Variants in IKZF2 observed in about 807,000 individuals in gnomAD.
IKZF2 encodes the protein IKAROS family zinc finger 2.
A neutral mutation model predicts 49.2 loss-of-function variants in IKZF2; 15 were observed. The ratio of observed to expected loss-of-function variants is 0.30; its 90% CI spans 0.20 to 0.47. IKZF2 has a LOEUF of 0.47. Among genes scored for constraint, IKZF2 ranks in the 20% least tolerant of loss-of-function variants. IKZF2 has a pLI of 1.00. For synonymous variants in IKZF2, 227 were observed against 221.4 expected (o/e 1.03, Z -0.23); for missense variants, 567 against 664.6 (o/e 0.85, Z 1.61).
chr2:213,009,952 C>T (rs185856763), intron 8 of IKZF2, among the ~76,000 whole-genome samples: 32 of 151,972 alleles, frequency 2.1e-4, no homozygotes, highest in African/African-American at 7.0e-4. Flanking sequence ...GAAACAAGTG[C>T]GAAAGACAAG....
chr2:213,149,877 T>A (rs924565526), intron 2 of IKZF2, among the ~76,000 whole-genome samples: 2 of 152,028 alleles, frequency 1.3e-5, no homozygotes, highest in Non-Finnish European at 1.5e-5. Context: ...CAACCTGCTG[T>A]ACTGTTATCA....
chr2:213,032,949 T>C (rs940214251), intron 6 of IKZF2, among the ~76,000 whole-genome samples: 7 of 152,202 alleles, frequency 4.6e-5, no homozygotes, highest in African/African-American at 1.7e-4. Flanking sequence ...TGTGATGCTA[T>C]TTGATACGAT....
chr2:213,071,878 C>A (rs1702742909), intron 4 of IKZF2, among the ~76,000 whole-genome samples: 1 of 151,838 alleles, frequency 6.6e-6, no homozygotes, highest in Admixed American at 6.6e-5. Context: ...CTTAGCCCTA[C>A]AATGCAAGCA....
chr2:213,110,626 G>C (rs1048612494), intron 4 of IKZF2, among the ~76,000 whole-genome samples: 13 of 151,882 alleles, frequency 8.6e-5, no homozygotes, highest in Non-Finnish European at 1.5e-5. Context: ...ATGCTGCAAT[G>C]AATAAATCTG....
chr2:213,146,764 G>A (rs915807026), intron 4 of IKZF2, among the ~76,000 whole-genome samples: 1 of 125,596 alleles, frequency 8.0e-6, no homozygotes, highest in South Asian at 2.7e-4. Context: ...ATCTTCGGGG[G>A]GGGGGAAGGA....
At chr2:213,144,064 C>T (rs17360006) in intron 4 of IKZF2, among the ~76,000 whole-genome samples, 40,240 of 151,708 alleles carry the variant, frequency 0.27, 6,653 homozygotes, top group Non-Finnish European at 0.37. Context: ...TCATAATATA[C>T]TTCTGCTTCG....
intron 6 of IKZF2, among the ~76,000 whole-genome samples, chr2:213,032,017 G>T (rs1469978563): frequency 6.6e-6 from 1 of 152,138 alleles, no homozygotes; most frequent in East Asian, 1.9e-4. Flanking sequence ...GCTAGAGAAA[G>T]TATAAAGGTG....
chr2:213,049,453 A>G (rs1700476952), intron 6 of IKZF2, among the ~76,000 whole-genome samples: 1 of 152,148 alleles, frequency 6.6e-6, no homozygotes, highest in African/African-American at 2.4e-5. Context: ...TATAGAAAAT[A>G]TATAACAGCT....
At chr2:213,130,566 G>T (rs2060442359) in intron 4 of IKZF2, among the ~76,000 whole-genome samples, 1 of 152,150 alleles carries the variant, frequency 6.6e-6, no homozygotes. Context: ...ACTAGTAGCT[G>T]AAAGTATTTT....
chr2:213,120,887 C>A (rs1264501942), intron 4 of IKZF2, among the ~76,000 whole-genome samples: 5 of 152,094 alleles, frequency 3.3e-5, no homozygotes, highest in African/African-American at 4.8e-5. Context: ...ACTACGGGTA[C>A]GTGCCACAAC....
Position 213,010,036 on chromosome 2 carries a change from C to T in IKZF2, c.857-1952G>A, listed in dbSNP as rs913114102. 3.3e-5 allele frequency among the ~76,000 whole-genome samples: 5 copies of T among 152,016 alleles called. No individual in the cohort carries two copies. In the East Asian group the frequency reaches 5.8e-4, roughly 18 times the overall value. ...AGGAATACAGATTGAAGGGGATAAA[C>T]AAGGAAGTGCCCTGAAGGTATTCAT... On this transcript the variant is annotated intron_variant, in intron 8 of 8. Transcript: ENST00000434687.
At chr2:213,151,672 C>A (rs537664017), upstream of IKZF2, 2 of 150,178 alleles carry the variant, frequency 1.3e-5, no homozygotes, top group Non-Finnish European at 3.0e-5. Flanking sequence ...ACATCTCCCC[C>A]GCCGGCCGGG....
chr2:213,141,438 T>C (rs1420704034), intron 4 of IKZF2, among the ~76,000 whole-genome samples: 1 of 152,008 alleles, frequency 6.6e-6, no homozygotes, highest in Non-Finnish European at 1.5e-5. Context: ...TGTTCCATTA[T>C]CCTGCCTTGA....
At chr2:213,057,185 T>A in intron 4 of IKZF2, 86 bp from the exon 5 acceptor site, 1 of 1,173,034 alleles carries the variant, frequency 8.5e-7, no homozygotes, top group Non-Finnish European at 1.2e-6. Flanking sequence ...GTCATCCTAC[T>A]AAATGGATGA....
chr2:213,127,844 T>A (rs538598620), intron 4 of IKZF2, among the ~76,000 whole-genome samples: 5 of 152,330 alleles, frequency 3.3e-5, no homozygotes, highest in African/African-American at 9.6e-5. Context: ...AGAATACATG[T>A]ATTTCCAAAA....
At chr2:213,077,520 T>C (rs1703399967) in intron 4 of IKZF2, among the ~76,000 whole-genome samples, 1 of 149,642 alleles carries the variant, frequency 6.7e-6, no homozygotes, top group Non-Finnish European at 1.5e-5. Flanking sequence ...TCTTTGCAAT[T>C]TGTTTTTTAA....
chr2:213,101,071 A>G (rs1166144957), intron 4 of IKZF2, among the ~76,000 whole-genome samples: 2 of 152,124 alleles, frequency 1.3e-5, no homozygotes, highest in East Asian at 3.9e-4. Context: ...CCCTTTGTTG[A>G]CTAAACAAAA....
At chr2:213,031,872 T>C (rs1698471378) in intron 6 of IKZF2, among the ~76,000 whole-genome samples, 1 of 152,206 alleles carries the variant, frequency 6.6e-6, no homozygotes, top group South Asian at 2.1e-4. Flanking sequence ...ACCAGCTGCC[T>C]AAAATGTGGC....
intron 4 of IKZF2, chr2:213,147,462 C>T (rs2061115193): frequency 5.1e-6 from 3 of 583,706 alleles, no homozygotes; most frequent in Non-Finnish European, 9.1e-6. Context: ...AAATTCTAAC[C>T]TTTCTTACCT....
Sources: allele counts gnomAD v4.1 joint callset (sites outside exome capture counted in the v4.1 genomes callset), GRCh38; gene constraint gnomAD v4.1.1; transcripts MANE v1.5; gene names NCBI Gene and HGNC (gene_info 2026-07-23, HGNC 2026-07-21).